The following KALRN variants were observed in gnomAD, a reference collection of about 807,000 sequenced individuals.
KALRN encodes kalirin.
KALRN carries 70 observed loss-of-function variants against 353.7 expected under a neutral mutation model. The ratio of observed to expected loss-of-function variants is 0.20; its 90% CI spans 0.16 to 0.24. The LOEUF is 0.24. KALRN is among the 10% of genes least tolerant of loss of function. The pLI is 1.00. For missense variants in KALRN, 2,791 were observed against 3,756.7 expected (o/e 0.74, Z 6.72); for synonymous variants, 1,391 against 1,434.8 (o/e 0.97, Z 0.69).
intron 1 of KALRN, among the ~76,000 whole-genome samples, chr3:124,182,141 A>C (rs903702177): frequency 6.6e-6 from 1 of 152,212 alleles, no homozygotes; most frequent in Admixed American, 6.5e-5. Flanking sequence ...AAATATTTGG[A>C]GGTTAGAGAG....
At chr3:124,247,757 A>T (rs1047716374) in intron 3 of KALRN, among the ~76,000 whole-genome samples, 1 of 152,112 alleles carries the variant, frequency 6.6e-6, no homozygotes, top group African/African-American at 2.4e-5. Context: ...CTTTCTCTCA[A>T]CATGGAAGAT....
chr3:124,098,879 G>A (rs1213065198), intron 1 of KALRN, among the ~76,000 whole-genome samples: 1 of 152,216 alleles, frequency 6.6e-6, no homozygotes, highest in Non-Finnish European at 1.5e-5. Flanking sequence ...AATAGTGACA[G>A]AAGTACAAAA....
intron 1 of KALRN, among the ~76,000 whole-genome samples, chr3:124,046,704 T>A (rs1167019041): frequency 6.6e-6 from 1 of 152,182 alleles, no homozygotes; most frequent in African/African-American, 2.4e-5. Flanking sequence ...CTTGTTTGGA[T>A]ACTATTCTCT....
chr3:124,330,553 C>G (rs1453819326), intron 8 of KALRN, among the ~76,000 whole-genome samples: 1 of 152,126 alleles, frequency 6.6e-6, no homozygotes, highest in Non-Finnish European at 1.5e-5. Flanking sequence ...GACAAAGACT[C>G]TTCCATTGAA....
At chr3:124,709,351 C>A (rs570291172) in intron 57 of KALRN, among the ~76,000 whole-genome samples, 43 of 152,300 alleles carry the variant, frequency 2.8e-4, no homozygotes, top group Admixed American at 1.1e-3. Context: ...AATCTTGGCT[C>A]ACTGCAACCT....
chr3:124,268,700 C>T, intron 4 of KALRN, 43 bp from the exon 5 acceptor site: 1 of 1,599,878 alleles, frequency 6.3e-7, no homozygotes. Context: ...CTGTTCTTCC[C>T]CTGACATCAC....
At chr3:124,034,695 T>G (rs1480240400) in intron 1 of KALRN, among the ~76,000 whole-genome samples, 1 of 152,120 alleles carries the variant, frequency 6.6e-6, no homozygotes, top group Non-Finnish European at 1.5e-5. Context: ...CCTGTTTCTC[T>G]GATGGCCAGG....
intron 1 of KALRN, among the ~76,000 whole-genome samples, chr3:124,135,704 C>T (rs1195684350): frequency 6.6e-6 from 1 of 151,502 alleles, no homozygotes; most frequent in African/African-American, 2.4e-5. Flanking sequence ...AACTCTTGCC[C>T]CAAACTATGA....
chr3:124,349,904 C>G (rs903616559), intron 10 of KALRN, among the ~76,000 whole-genome samples: 2 of 152,128 alleles, frequency 1.3e-5, no homozygotes, highest in Non-Finnish European at 2.9e-5. Flanking sequence ...GAGAGGGCCA[C>G]AGGTATCCCC....
At chr3:124,349,763 G>A (rs555902653) in intron 10 of KALRN, among the ~76,000 whole-genome samples, 1 of 152,232 alleles carries the variant, frequency 6.6e-6, no homozygotes, top group South Asian at 2.1e-4. Flanking sequence ...ACCTTCTGCA[G>A]AATGAGGTGG....
At chr3:124,057,815 G>T (rs2041686703) in intron 1 of KALRN, among the ~76,000 whole-genome samples, 1 of 152,182 alleles carries the variant, frequency 6.6e-6, no homozygotes, top group Admixed American at 6.5e-5. Context: ...AAGTATCCAG[G>T]TTTATTCCCT....
At chr3:124,649,461 T>C (rs1310694129) in intron 37 of KALRN, among the ~76,000 whole-genome samples, 1 of 152,088 alleles carries the variant, frequency 6.6e-6, no homozygotes, top group Non-Finnish European at 1.5e-5. Context: ...CAGTAGCTGG[T>C]TTAGGCAGGC....
chr3:124,533,524 G>A (rs2068240607), intron 33 of KALRN, among the ~76,000 whole-genome samples: 1 of 152,032 alleles, frequency 6.6e-6, no homozygotes. Context: ...GCACACCTGT[G>A]GTTCAAGCTT....
At chr3:124,157,645 C>T (rs945497560) in intron 1 of KALRN, among the ~76,000 whole-genome samples, 11 of 152,048 alleles carry the variant, frequency 7.2e-5, no homozygotes, top group African/African-American at 2.4e-4. Flanking sequence ...CATCCCTTTC[C>T]GAAATAAGGG....
intron 5 of KALRN, among the ~76,000 whole-genome samples, chr3:124,286,093 T>TTCTTTC (rs1377703072): frequency 7.1e-6 from 1 of 140,912 alleles, no homozygotes; most frequent in African/African-American, 2.7e-5. Flanking sequence ...CTTTCTTTCT[T>TTCTTTC]TCTTTCTTTC....
intron 37 of KALRN, among the ~76,000 whole-genome samples, chr3:124,646,770 G>T (rs2082808288): frequency 1.3e-5 from 2 of 151,112 alleles, no homozygotes; most frequent in Non-Finnish European, 1.5e-5. Flanking sequence ...AAAAAAATTT[G>T]GAAAAATGAC....
intron 21 of KALRN, among the ~76,000 whole-genome samples, chr3:124,448,082 G>A (rs9878772): frequency 0.088 from 13,345 of 152,246 alleles, 826 homozygotes; most frequent in African/African-American, 0.17. Flanking sequence ...TGGTGTTCCT[G>A]TCTGCATAGG....
intron 25 of KALRN, among the ~76,000 whole-genome samples, chr3:124,470,811 C>T (rs183006136): frequency 2.0e-5 from 3 of 152,302 alleles, no homozygotes; most frequent in African/African-American, 7.2e-5. Context: ...CCCAAAAGTG[C>T]TGCAAGCACA....
At position 124,184,559 on chromosome 3, in the gene KALRN, T is replaced by C. The variant is rs550781734; in HGVS notation, c.74-43431T>C. ...TCCTATCATATTCTCTCCCTACTGC[T>C]GAAATAAAACTGCACATTCCTGAAG... On this transcript the variant is annotated intron_variant, in intron 1 of 59. Coordinates refer to ENST00000682506, the MANE Select transcript of KALRN (RefSeq NM_001388419.1). Among the ~76,000 whole-genome samples, 163 of 152,290 alleles carry C rather than the reference T, an allele frequency of 1.1e-3. 1 individual carries two copies. The highest frequency in any genetic ancestry group is 3.6e-3 in the African/African-American group (148 of 41,568).
Sources: gnomAD v4.1 joint callset for allele counts (sites outside exome capture counted in the v4.1 genomes callset) on GRCh38, gnomAD v4.1.1 for gene constraint, MANE v1.5 for transcripts, NCBI Gene and HGNC (gene_info 2026-07-23, HGNC 2026-07-21) for gene names.